Variants in CRACD observed in about 807,000 individuals in gnomAD.
CRACD encodes the protein capping protein inhibiting regulator of actin dynamics.
Under a neutral mutation model 106.8 loss-of-function variants are expected in CRACD, and 56 were observed. That is an observed-to-expected ratio of 0.52 (90% confidence interval 0.42 to 0.66). The LOEUF (loss-of-function observed/expected upper bound fraction) is 0.66, where lower values mean the gene tolerates loss of function less well. Ranked by LOEUF, CRACD falls within the 30% of genes least tolerant of loss-of-function variation. CRACD has a pLI of 0.00. For missense variants in CRACD, 1,730 were observed against 1,623.2 expected (o/e 1.07, Z -1.13); for synonymous variants, 754 against 670.8 (o/e 1.12, Z -1.92).
intron 6 of CRACD, 41 bp downstream of exon 6, chr4:56,310,775 C>A: frequency 3.8e-5 from 49 of 1,284,690 alleles, no homozygotes; most frequent in Non-Finnish European, 4.9e-5. Flanking sequence ...TCTTTCCTTA[C>A]TTAACTTTCA....
intron 2 of CRACD, among the ~76,000 whole-genome samples, chr4:56,199,876 T>C (rs1193326992): frequency 6.6e-6 from 1 of 152,088 alleles, no homozygotes; most frequent in African/African-American, 2.4e-5. Context: ...GTTAAACTTC[T>C]GACTTTTAGG....
At chr4:56,282,354 C>T (rs1261215686) in intron 3 of CRACD, among the ~76,000 whole-genome samples, 1 of 152,200 alleles carries the variant, frequency 6.6e-6, no homozygotes, top group Non-Finnish European at 1.5e-5. Context: ...TGTGCAGCTG[C>T]AGAAAGCCTT....
At chr4:56,124,173 G>A (rs1422596121) in intron 1 of CRACD, among the ~76,000 whole-genome samples, 13 of 151,868 alleles carry the variant, frequency 8.6e-5, no homozygotes, top group Admixed American at 8.5e-4. Flanking sequence ...CCTGACCTCA[G>A]GTAATCCACC....
In CRACD at chr4:56,314,506, TGGA is replaced by T; in HGVS notation, c.1011_1013del (p.Glu337del). The T allele has an allele frequency of 6.6e-7, 1 of 1,514,846 alleles. No individual in the cohort carries two copies. The highest frequency in any genetic ancestry group is 8.8e-7 in the Non-Finnish European group (1 of 1,135,016). The allele number at this position is 1,514,846 out of a possible 1,614,324, so 93.8% of individuals were successfully genotyped here. On this transcript the variant is annotated inframe_deletion, in exon 8 of 11. Coordinates refer to ENST00000682029, the MANE Select transcript of CRACD (RefSeq NM_001393381.1). This position sits in a 1 kb window ranked among gnomAD's most constrained non-coding sequence, Gnocchi z 4.4. ...GCCCAAGCGGAGGAGAGGCGGCGGC[TGGA>T]GGAGGACGCCAGGCTGGAGGAGCGG...
intron 1 of CRACD, among the ~76,000 whole-genome samples, chr4:56,083,917 C>T (rs775266570): frequency 2.6e-5 from 4 of 152,234 alleles, no homozygotes; most frequent in African/African-American, 4.8e-5. Context: ...GTCTAGGCTG[C>T]GGTGAGCTGT....
intron 1 of CRACD, among the ~76,000 whole-genome samples, chr4:56,102,269 AT>A (rs77380385): frequency 0.14 from 20,700 of 151,992 alleles, 1,470 homozygotes; most frequent in East Asian, 0.25. Flanking sequence ...ATGCATTTAC[AT>A]TTTTCTGATT....
At chr4:56,196,304 T>G (rs1737607620) in intron 2 of CRACD, 1 of 152,872 alleles carries the variant, frequency 6.5e-6, no homozygotes, top group African/African-American at 2.4e-5. Context: ...TTTCATAAGC[T>G]TTGTGCTCAT....
At chr4:56,167,301 A>G (rs201436790) in intron 1 of CRACD, among the ~76,000 whole-genome samples, 2 of 152,248 alleles carry the variant, frequency 1.3e-5, no homozygotes, top group East Asian at 1.9e-4. Flanking sequence ...TTATTTTAAG[A>G]GAAAACAGAA....
intron 1 of CRACD, among the ~76,000 whole-genome samples, chr4:56,144,130 CAGGTG>C (rs1735298504): frequency 6.6e-6 from 1 of 152,094 alleles, no homozygotes; most frequent in Non-Finnish European, 1.5e-5. Context: ...AGAAGACCTA[CAGGTG>C]AGGGAGCACA....
intron 1 of CRACD, among the ~76,000 whole-genome samples, chr4:56,156,646 A>G (rs909697364): frequency 6.6e-6 from 1 of 152,292 alleles, no homozygotes; most frequent in East Asian, 1.9e-4. Context: ...TCATTCAACC[A>G]GGTTTTTCCT....
intron 4 of CRACD, among the ~76,000 whole-genome samples, chr4:56,305,520 A>G (rs1319774227): frequency 1.7e-5 from 2 of 117,302 alleles, no homozygotes; most frequent in Non-Finnish European, 3.5e-5. Context: ...CTGCTTATTG[A>G]TTTGCTTAGA....
At chr4:56,326,899 C>T (rs1746484125) in intron 10 of CRACD, among the ~76,000 whole-genome samples, 1 of 152,106 alleles carries the variant, frequency 6.6e-6, no homozygotes, top group Admixed American at 6.6e-5. Flanking sequence ...GCCAACAAGC[C>T]TGGCTACTTT....
At chr4:56,109,431 T>C (rs1211866223) in intron 1 of CRACD, among the ~76,000 whole-genome samples, 1 of 152,020 alleles carries the variant, frequency 6.6e-6, no homozygotes, top group Non-Finnish European at 1.5e-5. Context: ...CTGTCACAGG[T>C]TGGAGGAGAC....
chr4:56,193,387 TG>T (rs1737468873), intron 2 of CRACD, among the ~76,000 whole-genome samples: 1 of 152,148 alleles, frequency 6.6e-6, no homozygotes, highest in African/African-American at 2.4e-5. Flanking sequence ...GATCAAAGTT[TG>T]TTATCATAGC....
chr4:56,222,425 C>T (rs577988561), intron 2 of CRACD, among the ~76,000 whole-genome samples: 93 of 152,238 alleles, frequency 6.1e-4, no homozygotes, highest in East Asian at 1.9e-3. Flanking sequence ...TTAAAAACTA[C>T]GTATTGGGTA....
rs974012209 is a variant in CRACD at position 56,279,384 on chromosome 4, T to G, written c.-17+6892T>G. Among the ~76,000 whole-genome samples, 54 of 152,170 alleles carry G rather than the reference T, an allele frequency of 3.5e-4. 2 individuals carry two copies. The highest frequency in any genetic ancestry group is 1.0e-4 in the Non-Finnish European group (7 of 68,038). On this transcript the variant is annotated intron_variant, in intron 3 of 10. Coordinates refer to ENST00000682029, the MANE Select transcript of CRACD (RefSeq NM_001393381.1). ...CAACCTACAACATGGGAGAAAATTT[T>G]TGCAATCTGCTTATCTGACAAAGGG...
At chr4:56,271,677 G>T (rs1201727212) in intron 2 of CRACD, among the ~76,000 whole-genome samples, 1 of 152,150 alleles carries the variant, frequency 6.6e-6, no homozygotes, top group African/African-American at 2.4e-5. Flanking sequence ...CTGCCTTATT[G>T]CATGTGCAAA....
At chr4:56,208,970 G>C (rs1044091698) in intron 2 of CRACD, among the ~76,000 whole-genome samples, 2 of 151,998 alleles carry the variant, frequency 1.3e-5, no homozygotes, top group African/African-American at 4.8e-5. Flanking sequence ...GGCAGAATCT[G>C]TCTCTCTCTC....
At chr4:56,117,585 A>G (rs1239743647) in intron 1 of CRACD, among the ~76,000 whole-genome samples, 4 of 152,134 alleles carry the variant, frequency 2.6e-5, no homozygotes. Context: ...CAGGATGAAA[A>G]GAGTTACAGA....
Sources: allele counts gnomAD v4.1 joint callset (sites outside exome capture counted in the v4.1 genomes callset), GRCh38; gene constraint gnomAD v4.1.1; non-coding constraint Gnocchi (gnomAD v3.1); transcripts MANE v1.5; gene names NCBI Gene and HGNC (gene_info 2026-07-23, HGNC 2026-07-21).